The following TTPA variants were observed in gnomAD, a reference collection of about 807,000 sequenced individuals.
The protein encoded by TTPA is alpha-tocopherol transfer protein.
TTPA carries 23 observed loss-of-function variants against 25.9 expected under a neutral mutation model. That is an observed-to-expected ratio of 0.89 (90% confidence interval 0.64 to 1.26). The LOEUF (loss-of-function observed/expected upper bound fraction) is 1.26, where lower values mean the gene tolerates loss of function less well. Ranked by LOEUF, TTPA falls within the 50% of genes most tolerant of loss-of-function variation. TTPA has a pLI of 0.00. For missense variants in TTPA, 337 were observed against 353.1 expected (o/e 0.95, Z 0.37); for synonymous variants, 148 against 137.3 (o/e 1.08, Z -0.54).
intron 1 of TTPA, among the ~76,000 whole-genome samples, chr8:63,074,491 G>A (rs1177239616): frequency 6.6e-6 from 1 of 152,148 alleles, no homozygotes; most frequent in Non-Finnish European, 1.5e-5. Flanking sequence ...TGCAAGAGAG[G>A]AGTAAGAAAG....
At chr8:63,083,638 A>T (rs570129331) in intron 1 of TTPA, among the ~76,000 whole-genome samples, 88 of 150,416 alleles carry the variant, frequency 5.9e-4, no homozygotes, top group East Asian at 3.1e-3. Flanking sequence ...AGTATAATAA[A>T]AAAAAAAAAG....
intron 2 of TTPA, among the ~76,000 whole-genome samples, chr8:63,067,667 T>C (rs1191372733): frequency 6.6e-6 from 1 of 152,114 alleles, no homozygotes; most frequent in Non-Finnish European, 1.5e-5. Flanking sequence ...GTTACCTTGG[T>C]ATACTGCATG....
At chr8:63,066,475 C>A (rs549923079) in intron 2 of TTPA, among the ~76,000 whole-genome samples, 1 of 152,226 alleles carries the variant, frequency 6.6e-6, no homozygotes, top group Admixed American at 6.5e-5. Context: ...CCCATAGTAA[C>A]TAAAGAGGTT....
chr8:63,080,968 A>C (rs1456045715), intron 1 of TTPA, among the ~76,000 whole-genome samples: 1 of 151,654 alleles, frequency 6.6e-6, no homozygotes, highest in Non-Finnish European at 1.5e-5. Context: ...CTCTGAATAG[A>C]CCAATAACAG....
chr8:63,083,467 C>T (rs1037242474), intron 1 of TTPA, among the ~76,000 whole-genome samples: 4 of 152,100 alleles, frequency 2.6e-5, no homozygotes, highest in Admixed American at 6.6e-5. Flanking sequence ...TGGGGAACAT[C>T]GCACACTGGG....
chr8:63,077,080 G>C (rs1170397072), intron 1 of TTPA, among the ~76,000 whole-genome samples: 1 of 152,056 alleles, frequency 6.6e-6, no homozygotes, highest in East Asian at 1.9e-4. Flanking sequence ...GAAAAAAATA[G>C]TATAAGTAAT....
At chr8:63,080,474 C>T (rs1160578638) in intron 1 of TTPA, among the ~76,000 whole-genome samples, 1 of 152,104 alleles carries the variant, frequency 6.6e-6, no homozygotes, top group Non-Finnish European at 1.5e-5. Context: ...GTAATCCCAG[C>T]ACTTTGGGAG....
downstream of TTPA, among the ~76,000 whole-genome samples, chr8:63,059,026 T>TG (rs1314414607): frequency 2.2e-4 from 22 of 100,984 alleles, no homozygotes; most frequent in East Asian, 6.7e-4. Flanking sequence ...TCCAGTTTTT[T>TG]TTTTTTTTTT....
chr8:63,077,705 T>C (rs931858921), intron 1 of TTPA, among the ~76,000 whole-genome samples: 9 of 152,200 alleles, frequency 5.9e-5, no homozygotes, highest in African/African-American at 1.9e-4. Flanking sequence ...GCCTACAGCC[T>C]CCATAGACTC....
At position 63,067,449 on chromosome 8, in the gene TTPA, G is replaced by GA. The variant is rs146111895; in HGVS notation, c.359-1353dup. ...CAATAGAGAAAAGTTCTCCAAAGCT[G>GA]AAAAAAAAAACATGTAAGTCTTCAG... On this transcript the variant is annotated intron_variant, in intron 2 of 4. Transcript: ENST00000260116. Among the ~76,000 whole-genome samples, 666 of 113,702 alleles carry GA rather than the reference G, an allele frequency of 5.9e-3. 8 individuals carry two copies. Among genetic ancestry groups the GA allele is most frequent in the Middle Eastern group, 0.019 (3 of 158 alleles). The allele number at this position is 113,702 out of a possible 152,430, so 74.6% of individuals were successfully genotyped here.
At chr8:63,080,028 G>A (rs1214410673) in intron 1 of TTPA, among the ~76,000 whole-genome samples, 2 of 152,086 alleles carry the variant, frequency 1.3e-5, no homozygotes, top group African/African-American at 2.4e-5. Flanking sequence ...ACTCAAAACC[G>A]CACAACTACA....
intron 4 of TTPA, among the ~76,000 whole-genome samples, chr8:63,061,963 G>A (rs751983135): frequency 6.6e-6 from 1 of 152,126 alleles, no homozygotes; most frequent in Non-Finnish European, 1.5e-5. Context: ...AACACTTTGA[G>A]AGGCCAAGGC....
chr8:63,075,489 A>G (rs899968193), intron 1 of TTPA, among the ~76,000 whole-genome samples: 3 of 152,010 alleles, frequency 2.0e-5, no homozygotes, highest in Non-Finnish European at 4.4e-5. Flanking sequence ...GGAGGCCAAA[A>G]CGGATGGATC....
In TTPA at chr8:63,061,329, C is replaced by A. The variant is rs374606907; in HGVS notation, c.760G>T (p.Asp254Tyr). Residue 254 changes from aspartate (D) to tyrosine (Y), a missense_variant, in exon 5 of 5, where the codon GAC becomes TAC. By Grantham distance (160) the Asp-to-Tyr change is radical. Transcript: ENST00000260116. ...AAATTTGTCCATTCCTGACAAATGT[C>A]CTCCATGGAGAATTCTTCACCACCA... ...EYGGEEFSMEDICQEWTNFIM... is the reference protein window; with the variant it reads ...EYGGEEFSMEYICQEWTNFIM... 2.9e-5 allele frequency: 47 copies of A among 1,613,862 alleles called. No homozygotes were observed. The African/African-American group carries it at 5.9e-4, about 20-fold the overall frequency.
At chr8:63,064,654 C>T (rs533750091) in intron 3 of TTPA, among the ~76,000 whole-genome samples, 3 of 151,960 alleles carry the variant, frequency 2.0e-5, no homozygotes, top group South Asian at 4.1e-4. Flanking sequence ...TAACTTTTTC[C>T]CAAAAAATGT....
intron 4 of TTPA, among the ~76,000 whole-genome samples, chr8:63,062,345 A>G (rs141333687): frequency 7.4e-4 from 113 of 152,314 alleles, no homozygotes; most frequent in African/African-American, 2.5e-3. Flanking sequence ...AACCAAAAGC[A>G]TACCTGCTAA....
At position 63,081,846 on chromosome 8, in the gene TTPA, A is replaced by G. The variant is rs769339504; in HGVS notation, c.204+3972T>C. ...ATCGCAAGCATTCCTATACACCAAT[A>G]ACGGACAAACAGAGAACTAAATCAT... On this transcript the variant is annotated intron_variant, in intron 1 of 4. Transcript: ENST00000260116. 9.9e-5 allele frequency among the ~76,000 whole-genome samples: 15 copies of G among 152,232 alleles called. No homozygotes were observed. In the South Asian group the frequency reaches 1.4e-3, roughly 15 times the overall value.
In TTPA at chr8:63,061,145, G is replaced by T; in HGVS notation, c.*107C>A. 1.7e-6 allele frequency: 2 copies of T among 1,180,918 alleles called. No individual in the cohort carries two copies. The highest frequency in any genetic ancestry group is 2.5e-6 in the Non-Finnish European group (2 of 815,764). The allele number at this position is 1,180,918 out of a possible 1,614,324, so 73.2% of individuals were successfully genotyped here. On this transcript the variant is annotated 3_prime_UTR_variant, in exon 5 of 5. Coordinates refer to ENST00000260116, the MANE Select transcript of TTPA (RefSeq NM_000370.3). ...AAGATTTCTACATTTTTAAAGTTCA[G>T]GCAAGCATTAGTTTAAAAGATTTGC...
chr8:63,085,793 G>T (rs1417625411), intron 1 of TTPA, 25 bp downstream of exon 1: 2 of 1,531,662 alleles, frequency 1.3e-6, no homozygotes, highest in South Asian at 2.4e-5. Context: ...GCGCACTGCC[G>T]AGCGCCCTGG....
Sources: gnomAD v4.1 joint callset for allele counts (sites outside exome capture counted in the v4.1 genomes callset) on GRCh38, gnomAD v4.1.1 for gene constraint, MANE v1.5 for transcripts, NCBI Gene and HGNC (gene_info 2026-07-23, HGNC 2026-07-21) for gene names.